Variants in GPER1 observed in about 807,000 individuals in gnomAD.
GPER1 encodes the protein G protein-coupled estrogen receptor 1.
A neutral mutation model predicts 0.6 loss-of-function variants in GPER1; 2 were observed. That is an observed-to-expected ratio of 3.41 (90% CI 1.39 to 10.72). The LOEUF is 10.72. GPER1 is among the 30% of genes most tolerant of loss of function. The probability of loss-of-function intolerance (pLI) is 0.04; values close to 1 mark genes in which losing one functional copy is unlikely to be tolerated. For synonymous variants in GPER1, 263 were observed against 247.6 expected, an observed-to-expected ratio of 1.06 and a Z score of -0.58; for missense variants, 441 against 535.2, an observed-to-expected ratio of 0.82 and a Z score of 1.74.
chr7:1,093,164 C>G lies in GPER1; in HGVS notation c.*308C>G, dbSNP rs887524150. 29 of 581,752 alleles carry G rather than the reference C, an allele frequency of 5.0e-5. No individual in the cohort carries two copies. Among genetic ancestry groups the G allele is most frequent in the Non-Finnish European group, 8.7e-5 (26 of 299,568 alleles). The allele number at this position is 581,752 out of a possible 1,614,324, so 36.0% of individuals were successfully genotyped here. A position where few individuals can be genotyped will look rare whatever the true frequency, so the allele number is the denominator to read the frequency against. ...CCCGCCAACCCTGCCTGCCGCTGCA[C>G]CTGCCTGCCGCTGCAGGAAACATTT... On this transcript the variant is annotated 3_prime_UTR_variant, in exon 2 of 2. Coordinates refer to ENST00000397088, the MANE Select transcript of GPER1 (RefSeq NM_001098201.3).
In GPER1 at chr7:1,093,260, C is replaced by T; in HGVS notation, c.*404C>T. 2.2e-6 allele frequency: 1 copy of T among 455,320 alleles called. No homozygotes were observed. Among genetic ancestry groups the T allele is most frequent in the Non-Finnish European group, 4.6e-6 (1 of 219,086 alleles). 28.2% of individuals were successfully genotyped at this position (455,320 alleles called of 1,614,324 possible). ...TGAAGCGCCTCAGTTACACAGGAACCCTAAAGCAAATCTGCCACCGTGGGG... is the reference window on the plus strand; with the variant it reads ...TGAAGCGCCTCAGTTACACAGGAACTCTAAAGCAAATCTGCCACCGTGGGG... On this transcript the variant is annotated 3_prime_UTR_variant, in exon 2 of 2. Transcript: ENST00000397088.
chr7:1,091,433 C>A lies in GPER1; in HGVS notation c.-296C>A, dbSNP rs138061097. 77 of 383,312 alleles carry A rather than the reference C, an allele frequency of 2.0e-4. No homozygotes were observed. The highest frequency in any genetic ancestry group is 1.4e-3 in the African/African-American group (71 of 49,420). The allele number at this position is 383,312 out of a possible 1,614,324, so 23.7% of individuals were successfully genotyped here. On this transcript the variant is annotated 5_prime_UTR_variant, in exon 2 of 2. Transcript: ENST00000397088. ...TACCCAGAGAGTGAGCAGCTCCACGCGGGACTGTGCACGGTGGCCGACACC... is the reference window on the plus strand; with the variant it reads ...TACCCAGAGAGTGAGCAGCTCCACGAGGGACTGTGCACGGTGGCCGACACC...
At position 1,088,883 on chromosome 7, in the gene GPER1, G is replaced by T. The variant is rs1026171271; in HGVS notation, c.-323+562G>T. ...GTTCCTCTCACCCAGGACCACATCA[G>T]ACACTAGGACACATCAGACACCAGG... On this transcript the variant is annotated intron_variant, in intron 1 of 1. Coordinates refer to ENST00000397088, the MANE Select transcript of GPER1 (RefSeq NM_001098201.3). The surrounding 1 kb of genome is among the most constrained non-coding windows in gnomAD (Gnocchi z 4.5). Among the ~76,000 whole-genome samples the T allele has an allele frequency of 1.3e-4, 20 of 152,044 alleles. No homozygotes were observed. Among genetic ancestry groups the T allele is most frequent in the African/African-American group, 4.8e-4 (20 of 41,470 alleles).
chr7:1,092,942 C>T lies in GPER1; in HGVS notation c.*86C>T. ...GACACAAGGCACGGCCACGTCATGT[C>T]TCTAAACTGCGGTCAGATGTGGCTT... On this transcript the variant is annotated 3_prime_UTR_variant, in exon 2 of 2. Transcript: ENST00000397088. 1 of 1,272,310 alleles carries T rather than the reference C, an allele frequency of 7.9e-7. No individual in the cohort carries two copies. Among genetic ancestry groups the T allele is most frequent in the Non-Finnish European group, 1.1e-6 (1 of 887,914 alleles). The allele number at this position is 1,272,310 out of a possible 1,614,324, so 78.8% of individuals were successfully genotyped here.
upstream of GPER1, chr7:1,087,198 G>C (rs1241806580): frequency 6.6e-6 from 1 of 152,270 alleles, no homozygotes; most frequent in Non-Finnish European, 1.5e-5. Context: ...CCATGAGCAG[G>C]AGAGGCGGCC....
Position 1,093,148 on chromosome 7 carries a change from C to G in GPER1, c.*292C>G. On this transcript the variant is annotated 3_prime_UTR_variant, in exon 2 of 2. Transcript: ENST00000397088. ...TGTCACCCAGCTCCTCCCCGCCAAC[C>G]CTGCCTGCCGCTGCACCTGCCTGCC... The G allele has an allele frequency of 1.6e-6, 1 of 609,524 alleles. No homozygotes were observed. The highest frequency in any genetic ancestry group is 2.1e-5 in the Admixed American group (1 of 46,556). 37.8% of individuals were successfully genotyped at this position (609,524 alleles called of 1,614,324 possible). A position where few individuals can be genotyped will look rare whatever the true frequency, so the allele number is the denominator to read the frequency against.
chr7:1,091,610 T>C lies in GPER1; in HGVS notation c.-119T>C. Reference sequence around the variant, plus strand: ...TGCTCCTCCTGGGGAGTTTCCTGTCTGACAAATGCCAGGCTCACTTCAAGG... The same window carrying C: ...TGCTCCTCCTGGGGAGTTTCCTGTCCGACAAATGCCAGGCTCACTTCAAGG... On this transcript the variant is annotated 5_prime_UTR_variant, in exon 2 of 2. The change abolishes the stop of an existing upstream ORF in the 5' untranslated region. Transcript: ENST00000397088. 2 of 849,292 alleles carry C rather than the reference T, an allele frequency of 2.4e-6. No individual in the cohort carries two copies. Among genetic ancestry groups the C allele is most frequent in the Non-Finnish European group, 3.7e-6 (2 of 534,324 alleles). 52.6% of individuals were successfully genotyped at this position (849,292 alleles called of 1,614,324 possible).
At chr7:1,089,088 A>T (rs767529875) in intron 1 of GPER1, among the ~76,000 whole-genome samples, 4 of 152,154 alleles carry the variant, frequency 2.6e-5, no homozygotes, top group Non-Finnish European at 4.4e-5. Flanking sequence ...CCACGGTCTA[A>T]TACGTTCCAA....
chr7:1,092,284 G>T lies in GPER1; in HGVS notation c.556G>T (p.Val186Leu). 1 of 1,611,806 alleles carries T rather than the reference G, an allele frequency of 6.2e-7. No homozygotes were observed. The highest frequency in any genetic ancestry group is 1.3e-5 in the African/African-American group (1 of 75,064). ...LSCGLIWMAS[V>L]SATLVPFTAV... ...CTGTGGCCTCATCTGGATGGCATCC[G>T]TGTCAGCCACGCTGGTGCCCTTCAC... is the stretch of plus-strand genomic sequence containing the variant. Residue 186 changes from valine to leucine, a missense_variant, in exon 2 of 2, where the codon GTG becomes TTG. Coordinates refer to ENST00000397088, the MANE Select transcript of GPER1 (RefSeq NM_001098201.3).
Position 1,093,465 on chromosome 7 carries a change from G to A in GPER1, c.*609G>A, listed in dbSNP as rs1325004660. On this transcript the variant is annotated 3_prime_UTR_variant, in exon 2 of 2. Transcript: ENST00000397088. ...TCCAGGATGGCAGCAATGGCGCTGT[G>A]CGGCCTCACCAGGCCCACGAGGAGC... is the stretch of plus-strand genomic sequence containing the variant. 4.3e-6 allele frequency: 2 copies of A among 468,590 alleles called. No individual in the cohort carries two copies. Among genetic ancestry groups the A allele is most frequent in the Non-Finnish European group, 8.9e-6 (2 of 225,912 alleles). The allele number at this position is 468,590 out of a possible 1,614,324, so 29.0% of individuals were successfully genotyped here.
Position 1,092,985 on chromosome 7 carries a change from C to A in GPER1, c.*129C>A. 1 of 883,808 alleles carries A rather than the reference C, an allele frequency of 1.1e-6. No individual in the cohort carries two copies. The highest frequency in any genetic ancestry group is 1.9e-6 in the Non-Finnish European group (1 of 537,888). The allele number at this position is 883,808 out of a possible 1,614,324, so 54.7% of individuals were successfully genotyped here. A position where few individuals can be genotyped will look rare whatever the true frequency, so the allele number is the denominator to read the frequency against. On this transcript the variant is annotated 3_prime_UTR_variant, in exon 2 of 2. Transcript: ENST00000397088. ...TGTGGCTTCTGGCTCCTCGGGGCCT[C>A]GCGAGGGTCACGCTTGCCTGGTCAC...
chr7:1,092,245 C>T lies in GPER1; in HGVS notation c.517C>T (p.His173Tyr). The part of the protein sequence containing the change: ...MRCSLFRTKH[H>Y]ARLSCGLIWM... ...CTGCAGCCTGTTCCGCACCAAGCACCACGCCCGGCTGAGCTGTGGCCTCAT... is the reference window on the plus strand; with the variant it reads ...CTGCAGCCTGTTCCGCACCAAGCACTACGCCCGGCTGAGCTGTGGCCTCAT... The change falls in exon 2 of 2, where the codon CAC (histidine) becomes TAC (tyrosine). Residue 173 changes from histidine (H) to tyrosine (Y), a missense_variant. Transcript: ENST00000397088. The T allele has an allele frequency of 6.2e-7, 1 of 1,612,510 alleles. No individual in the cohort carries two copies. Among genetic ancestry groups the T allele is most frequent in the Non-Finnish European group, 8.5e-7 (1 of 1,180,034 alleles).
intron 1 of GPER1, among the ~76,000 whole-genome samples, chr7:1,090,640 C>A (rs1767323150): frequency 6.6e-6 from 1 of 152,166 alleles, no homozygotes; most frequent in African/African-American, 2.4e-5. Flanking sequence ...CGGGACCCTC[C>A]CCACTGGCGG....
Position 1,092,406 on chromosome 7 carries a change from C to G in GPER1, c.678C>G (p.Pro226=). The G allele has an allele frequency of 6.2e-7, 1 of 1,607,064 alleles. No individual in the cohort carries two copies. The highest frequency in any genetic ancestry group is 8.5e-7 in the Non-Finnish European group (1 of 1,178,256). Residue 226 remains proline, a synonymous_variant, in exon 2 of 2, where the codon CCC becomes CCG. Transcript: ENST00000397088. The part of the protein sequence containing the change: ...WLEVTLGFIV[P]FAIIGLCYSL... ...AGGTCACGCTGGGCTTCATCGTGCCCTTCGCCATCATCGGCCTGTGCTACT... is the reference window on the plus strand; with the variant it reads ...AGGTCACGCTGGGCTTCATCGTGCCGTTCGCCATCATCGGCCTGTGCTACT...
In GPER1 at chr7:1,092,482, C is replaced by T. The variant is rs767547288; in HGVS notation, c.754C>T (p.Pro252Ser). The T allele has an allele frequency of 1.2e-6, 2 of 1,607,494 alleles. No homozygotes were observed. Among genetic ancestry groups the T allele is most frequent in the Admixed American group, 3.3e-5 (2 of 59,962 alleles). ...GGCGCACCGGCACCGTGGGCTGCGG[C>T]CCCGGCGGCAGAAGGCGCTCCGCAT... ...VRAHRHRGLRPRRQKALRMIL... is the reference protein window; with the variant it reads ...VRAHRHRGLRSRRQKALRMIL... The change falls in exon 2 of 2, where the codon CCC becomes TCC. Residue 252 changes from proline to serine, a missense_variant. Physicochemically the swap from Pro to Ser is moderately conservative, Grantham distance 74 (BLOSUM62 -1). Transcript: ENST00000397088.
intron 1 of GPER1, among the ~76,000 whole-genome samples, chr7:1,090,626 G>A (rs1034919744): frequency 1.3e-5 from 2 of 152,176 alleles, no homozygotes; most frequent in African/African-American, 4.8e-5. Context: ...CACGGGGTGG[G>A]TGACGGGACC....
Position 1,091,796 on chromosome 7 carries a change from C to A in GPER1, c.68C>A (p.Ala23Asp). The change falls in exon 2 of 2, where the codon GCC (alanine) becomes GAC (aspartate). Residue 23 changes from alanine to aspartate, a missense_variant. By Grantham distance (126) the Ala-to-Asp change is moderately radical. Coordinates refer to ENST00000397088, the MANE Select transcript of GPER1 (RefSeq NM_001098201.3). ...TACCCAGGCACCGCGCAGCCTGCGG[C>A]CCCCAACACCACCTCCCCCGAGCTC... ...EMYPGTAQPA[A>D]PNTTSPELNL... 6.3e-7 allele frequency: 1 copy of A among 1,591,988 alleles called. No individual in the cohort carries two copies. Among genetic ancestry groups the A allele is most frequent in the South Asian group, 1.1e-5 (1 of 88,696 alleles).
In GPER1 at chr7:1,093,290, T is replaced by C. The variant is rs542442054; in HGVS notation, c.*434T>C. ...AGCAAATCTGCCACCGTGGGGGAAC[T>C]GACGCTGGAGATGCAAGGTGCTGGT... is the stretch of plus-strand genomic sequence containing the variant. On this transcript the variant is annotated 3_prime_UTR_variant, in exon 2 of 2. Transcript: ENST00000397088. 7 of 431,258 alleles carry C rather than the reference T, an allele frequency of 1.6e-5. No homozygotes were observed. The highest frequency in any genetic ancestry group is 1.2e-4 in the South Asian group (7 of 56,670). 26.7% of individuals were successfully genotyped at this position (431,258 alleles called of 1,614,324 possible). A position where few individuals can be genotyped will look rare whatever the true frequency, so the allele number is the denominator to read the frequency against.
rs1026498200 is a variant in GPER1, at chr7:1,092,997, G to A, written c.*141G>A. The A allele has an allele frequency of 1.1e-5, 9 of 802,792 alleles. No homozygotes were observed. The highest frequency in any genetic ancestry group is 5.1e-5 in the African/African-American group (3 of 59,174). The allele number at this position is 802,792 out of a possible 1,614,324, so 49.7% of individuals were successfully genotyped here. On this transcript the variant is annotated 3_prime_UTR_variant, in exon 2 of 2. Coordinates refer to ENST00000397088, the MANE Select transcript of GPER1 (RefSeq NM_001098201.3). ...CTCCTCGGGGCCTCGCGAGGGTCAC[G>A]CTTGCCTGGTCACCCTGGGGCTGCT...
Sources: gnomAD v4.1 joint callset for allele counts (sites outside exome capture counted in the v4.1 genomes callset) on GRCh38, gnomAD v4.1.1 for gene constraint, Gnocchi (gnomAD v3.1) non-coding constraint, MANE v1.5 for transcripts, NCBI Gene and HGNC (gene_info 2026-07-23, HGNC 2026-07-21) for gene names.